The following ACAN variants were observed in gnomAD, a reference collection of about 807,000 sequenced individuals.
ACAN encodes aggrecan.
Under a neutral mutation model 169.1 loss-of-function variants are expected in ACAN, and 47 were observed. That is an observed-to-expected ratio of 0.28 (90% CI 0.22 to 0.35). The LOEUF is 0.35. Ranked by LOEUF, ACAN falls within the 10% of genes least tolerant of loss-of-function variation. ACAN has a pLI of 1.00. For synonymous variants in ACAN, 1,115 were observed against 1,112.2 expected, an observed-to-expected ratio of 1.00 and a Z score of -0.05; for missense variants, 2,716 against 2,759.9, an observed-to-expected ratio of 0.98 and a Z score of 0.36.
chr15:88,851,547 G>A lies in ACAN; in HGVS notation c.2027-247G>A, dbSNP rs1045945194. 2.2e-6 allele frequency: 1 copy of A among 457,942 alleles called. No individual in the cohort carries two copies. Among genetic ancestry groups the A allele is most frequent in the Non-Finnish European group, 3.9e-6 (1 of 256,490 alleles). 28.4% of individuals were successfully genotyped at this position (457,942 alleles called of 1,614,324 possible). ...ACACAAGGCTTTAGAGCAATGCCCG[G>A]CATATATGGTCAATTCTGCAGGGGA... On this transcript the variant is annotated intron_variant, in intron 10 of 18. Coordinates refer to ENST00000560601, the MANE Select transcript of ACAN (RefSeq NM_001369268.1). This position sits in a 1 kb window ranked among gnomAD's most constrained non-coding sequence, Gnocchi z 4.3.
At chr15:88,812,365 A>G (rs1430202006) in intron 1 of ACAN, among the ~76,000 whole-genome samples, 1 of 151,942 alleles carries the variant, frequency 6.6e-6, no homozygotes, top group Non-Finnish European at 1.5e-5. Context: ...GCAATTGATC[A>G]AGGTTATTTG....
chr15:88,854,092 G>C (rs1323853750), intron 11 of ACAN, among the ~76,000 whole-genome samples: 1 of 152,130 alleles, frequency 6.6e-6, no homozygotes, highest in African/African-American at 2.4e-5. Flanking sequence ...AGAATTGTGG[G>C]GTTTCCTTTT....
chr15:88,871,135 G>C lies in ACAN; in HGVS notation c.7061-247G>C, dbSNP rs1022837935. ...AGGAGGAAAGCTTGGGAGAGGGTGA[G>C]GGGGGAGGGCGTGGCATCAGGGAAG... On this transcript the variant is annotated intron_variant, in intron 14 of 18. Coordinates refer to ENST00000560601, the MANE Select transcript of ACAN (RefSeq NM_001369268.1). This position sits in a 1 kb window ranked among gnomAD's most constrained non-coding sequence, Gnocchi z 7.8. Among the ~76,000 whole-genome samples the C allele has an allele frequency of 3.3e-5, 5 of 152,244 alleles. No homozygotes were observed. Among genetic ancestry groups the C allele is most frequent in the Non-Finnish European group, 7.4e-5 (5 of 67,956 alleles).
intron 7 of ACAN, 121 bp downstream of exon 7, chr15:88,846,003 C>T (rs1197871503): frequency 8.9e-7 from 1 of 1,126,926 alleles, no homozygotes; most frequent in Non-Finnish European, 1.2e-6. Flanking sequence ...ACAATGTTCT[C>T]TCCTCTCAGA....
Position 88,806,845 on chromosome 15 carries a change from G to C in ACAN, c.-8+3036G>C, listed in dbSNP as rs556205913. On this transcript the variant is annotated intron_variant, in intron 1 of 18. Transcript: ENST00000560601. ...AACTGCAGGTTGTGAGATCAATTTA[G>C]CGGGGTTCTTAATAAAATAGGAAAT... 2.6e-5 allele frequency among the ~76,000 whole-genome samples: 4 copies of C among 152,232 alleles called. No individual in the cohort carries two copies. The South Asian group carries it at 8.3e-4, about 32-fold the overall frequency.
rs1323093167 is a variant in ACAN, at chr15:88,804,623, TG to T, written c.-8+818del. On this transcript the variant is annotated intron_variant, in intron 1 of 18. Transcript: ENST00000560601. ...GTGGAGCAGGAGCCCTTTCCAACCC[TG>T]GGGCTGGGTTGGAGGCTGTCAGTAT... Among the ~76,000 whole-genome samples, 4 of 152,098 alleles carry T rather than the reference TG, an allele frequency of 2.6e-5. No individual in the cohort carries two copies. In the East Asian group the frequency reaches 7.7e-4, roughly 29 times the overall value.
In ACAN at chr15:88,857,393, A is replaced by C. The variant is rs1264852540; in HGVS notation, c.4808A>C (p.Asp1603Ala). Residue 1603 changes from aspartate to alanine, a missense_variant, in exon 12 of 19, where the codon GAC becomes GCC. Coordinates refer to ENST00000560601, the MANE Select transcript of ACAN (RefSeq NM_001369268.1). ...KEDLVGSASG[D>A]LDLGKLPSGT... ...GACTTGGTGGGGTCAGCTTCTGGAG[A>C]CTTGGACTTGGGCAAACTGCCTTCT... 1 of 1,613,810 alleles carries C rather than the reference A, an allele frequency of 6.2e-7. No homozygotes were observed. The highest frequency in any genetic ancestry group is 8.5e-7 in the Non-Finnish European group (1 of 1,179,886).
Position 88,851,355 on chromosome 15 carries a change from A to G in ACAN, c.2027-439A>G, listed in dbSNP as rs1225959814. 1 of 158,664 alleles carries G rather than the reference A, an allele frequency of 6.3e-6. No individual in the cohort carries two copies. Among genetic ancestry groups the G allele is most frequent in the East Asian group, 1.8e-4 (1 of 5,496 alleles). The allele number at this position is 158,664 out of a possible 1,614,324, so 9.8% of individuals were successfully genotyped here. Reference sequence around the variant, plus strand: ...CCCCCAAGGTTGTTCAGTAGTTGAGAGCGTGGAGTCTGGTACCAGATGCTT... The same window carrying G: ...CCCCCAAGGTTGTTCAGTAGTTGAGGGCGTGGAGTCTGGTACCAGATGCTT... On this transcript the variant is annotated intron_variant, in intron 10 of 18. Coordinates refer to ENST00000560601, the MANE Select transcript of ACAN (RefSeq NM_001369268.1). The surrounding 1 kb of genome is among the most constrained non-coding windows in gnomAD (Gnocchi z 4.3).
At position 88,852,747 on chromosome 15, in the gene ACAN, C is replaced by G. The variant is rs185365654; in HGVS notation, c.2266+714C>G. ...TAGATGTAGAGTGTCCCAAATGAAC[C>G]ACAGAGCCTCCCCCCACTCCCACAG... is the stretch of plus-strand genomic sequence containing the variant. On this transcript the variant is annotated intron_variant, in intron 11 of 18. Coordinates refer to ENST00000560601, the MANE Select transcript of ACAN (RefSeq NM_001369268.1). 3.3e-3 allele frequency among the ~76,000 whole-genome samples: 496 copies of G among 152,302 alleles called. 1 individual carries two copies. The highest frequency in any genetic ancestry group is 6.8e-3 in the Middle Eastern group (2 of 294).
At position 88,875,240 on chromosome 15, in the gene ACAN, C is replaced by T. The variant is rs557224987; in HGVS notation, c.*759C>T. The T allele has an allele frequency of 1.3e-5, 2 of 152,460 alleles. No individual in the cohort carries two copies. Among genetic ancestry groups the T allele is most frequent in the Admixed American group, 1.3e-4 (2 of 15,308 alleles). 9.4% of individuals were successfully genotyped at this position (152,460 alleles called of 1,614,324 possible). On this transcript the variant is annotated 3_prime_UTR_variant, in exon 19 of 19. Transcript: ENST00000560601. The surrounding 1 kb of genome is among the most constrained non-coding windows in gnomAD (Gnocchi z 4.8). ...TGGGGGGTGCCGCCCAACCTTCTCCCCTCCCCACCCCCGCCCCCGGGACCG... is the reference window on the plus strand; with the variant it reads ...TGGGGGGTGCCGCCCAACCTTCTCCTCTCCCCACCCCCGCCCCCGGGACCG...
chr15:88,836,932 C>A (rs536788468), intron 2 of ACAN, among the ~76,000 whole-genome samples: 2 of 152,304 alleles, frequency 1.3e-5, no homozygotes, highest in African/African-American at 2.4e-5. Flanking sequence ...TTTTAGAGGC[C>A]CCCACTGGCC....
chr15:88,839,129 T>A lies in ACAN; in HGVS notation c.454+83T>A. On this transcript the variant is annotated intron_variant, in intron 3 of 18. Coordinates refer to ENST00000560601, the MANE Select transcript of ACAN (RefSeq NM_001369268.1). This position sits in a 1 kb window ranked among gnomAD's most constrained non-coding sequence, Gnocchi z 4.5. ...CTCCGCAGTGCAGGCGCAGGCAGGC[T>A]GGCCTTCAAACCAGCTCCTCCACGC... The A allele has an allele frequency of 6.5e-7, 1 of 1,539,746 alleles. No individual in the cohort carries two copies. The highest frequency in any genetic ancestry group is 8.7e-7 in the Non-Finnish European group (1 of 1,148,074).
Position 88,821,295 on chromosome 15 carries a change from A to G in ACAN, c.-7-14905A>G, listed in dbSNP as rs909944210. On this transcript the variant is annotated intron_variant, in intron 1 of 18. Transcript: ENST00000560601. Reference sequence around the variant, plus strand: ...GCTGGAACCACAGTTGCATACCACCATGGCTGGTTAGTGTTGTAGAGACAG... The same window carrying G: ...GCTGGAACCACAGTTGCATACCACCGTGGCTGGTTAGTGTTGTAGAGACAG... 2.6e-5 allele frequency among the ~76,000 whole-genome samples: 4 copies of G among 152,050 alleles called. No individual in the cohort carries two copies. In the East Asian group the frequency reaches 5.8e-4, roughly 22 times the overall value.
rs2141578255 is a variant in ACAN, at chr15:88,843,981, C to T, written c.1051+333C>T. Among the ~76,000 whole-genome samples the T allele has an allele frequency of 6.6e-6, 1 of 152,292 alleles. No homozygotes were observed. Among genetic ancestry groups the T allele is most frequent in the Admixed American group, 6.5e-5 (1 of 15,298 alleles). The stretch of plus-strand genomic sequence containing the variant: ...CAAAGTCAAGGCTGTGAACCTCACT[C>T]TTCTCATCTGTCTAGTGAGGAGATG... On this transcript the variant is annotated intron_variant, in intron 6 of 18. Coordinates refer to ENST00000560601, the MANE Select transcript of ACAN (RefSeq NM_001369268.1). This position sits in a 1 kb window ranked among gnomAD's most constrained non-coding sequence, Gnocchi z 4.0.
rs1897142686 is a variant in ACAN, at chr15:88,859,276, G to C, written c.6691G>C (p.Glu2231Gln). ...GACCCAGCAGACCCAGCGCCCTGCA[G>C]AGACGCATCTAGAAATTGAGTCCTC... ...EWTQQTQRPA[E>Q]THLEIESSSL... The change falls in exon 12 of 19, where the codon GAG (glutamate) becomes CAG (glutamine). Residue 2231 changes from glutamate (E) to glutamine (Q), a missense_variant. Around this residue, in one of 3 missense-constraint regions of ACAN, gnomAD observed 1,389 missense variants for 1,363.7 expected, o/e 1.02. Transcript: ENST00000560601. The C allele has an allele frequency of 3.1e-6, 5 of 1,613,762 alleles. No individual in the cohort carries two copies. Among genetic ancestry groups the C allele is most frequent in the Non-Finnish European group, 4.2e-6 (5 of 1,179,852 alleles).
chr15:88,838,857 G>A lies in ACAN; in HGVS notation c.265G>A (p.Ala89Thr), dbSNP rs1280525388. 2 of 1,613,910 alleles carry A rather than the reference G, an allele frequency of 1.2e-6. No individual in the cohort carries two copies. Among genetic ancestry groups the A allele is most frequent in the Non-Finnish European group, 1.7e-6 (2 of 1,179,910 alleles). ...SKEKEVVLLVATEGRVRVNSA... is the reference protein window; with the variant it reads ...SKEKEVVLLVTTEGRVRVNSA... ...GGAGAAGGAGGTAGTGCTGCTGGTG[G>A]CCACTGAAGGGCGCGTGCGGGTCAA... Residue 89 changes from alanine (A) to threonine (T), a missense_variant, in exon 3 of 19, where the codon GCC (alanine) becomes ACC (threonine). Coordinates refer to ENST00000560601, the MANE Select transcript of ACAN (RefSeq NM_001369268.1). The surrounding 1 kb of genome is among the most constrained non-coding windows in gnomAD (Gnocchi z 5.1).
In ACAN at chr15:88,857,058, T is replaced by C. The variant is rs754055146; in HGVS notation, c.4473T>C (p.Pro1491=). Reference sequence around the variant, plus strand: ...GAGTAGAGGACATCAGTGGGCTTCCTTCTGGAGAGGTTGTAGAGACTTCTG... The same window carrying C: ...GAGTAGAGGACATCAGTGGGCTTCCCTCTGGAGAGGTTGTAGAGACTTCTG... The part of the protein sequence containing the change: ...VSGVEDISGL[P]SGEVVETSAS... The change falls in exon 12 of 19, where the codon CCT becomes CCC. Residue 1491 remains proline (P), a synonymous_variant. Coordinates refer to ENST00000560601, the MANE Select transcript of ACAN (RefSeq NM_001369268.1). The C allele has an allele frequency of 6.2e-7, 1 of 1,612,696 alleles. No homozygotes were observed. Among genetic ancestry groups the C allele is most frequent in the Non-Finnish European group, 8.5e-7 (1 of 1,179,168 alleles).
In ACAN at chr15:88,845,275, C is replaced by A. The variant is rs118052219; in HGVS notation, c.1052-230C>A. Among the ~76,000 whole-genome samples the A allele has an allele frequency of 6.3e-4, 96 of 152,322 alleles. 2 individuals are homozygous for A. The East Asian group carries it at 0.017, about 27-fold the overall frequency. ...TCAGCTCATTGGTCAATATCTTGCC[C>A]TCTGATAGCTCTTGCACTCTTGCAA... On this transcript the variant is annotated intron_variant, in intron 6 of 18. Transcript: ENST00000560601.
rs1433632412 is a variant in ACAN at position 88,847,325 on chromosome 15, G to A, written c.1512G>A (p.Gly504=). ...CACAGCAGGCCTGCCTGCGCACGGGGGCGGTCATTGCCTCGCCGGAGCAGC... is the reference window on the plus strand; with the variant it reads ...CACAGCAGGCCTGCCTGCGCACGGGAGCGGTCATTGCCTCGCCGGAGCAGC... The part of the protein sequence containing the change: ...EEAQQACLRT[G]AVIASPEQLQ... The change falls in exon 8 of 19, where the codon GGG becomes GGA. Residue 504 remains glycine, a synonymous_variant. Transcript: ENST00000560601. 1 of 1,580,344 alleles carries A rather than the reference G, an allele frequency of 6.3e-7. No individual in the cohort carries two copies.
Sources: allele counts gnomAD v4.1 joint callset (sites outside exome capture counted in the v4.1 genomes callset), GRCh38; gene constraint gnomAD v4.1.1; regional missense constraint gnomAD v4.1.1; non-coding constraint Gnocchi (gnomAD v3.1); transcripts MANE v1.5; gene names NCBI Gene and HGNC (gene_info 2026-07-23, HGNC 2026-07-21).